Variants in EPB41L5 observed in about 807,000 individuals in gnomAD.
EPB41L5 encodes the protein erythrocyte membrane protein band 4.1 like 5.
A neutral mutation model predicts 106.6 loss-of-function variants in EPB41L5; 55 were observed. That is an observed-to-expected ratio of 0.52 (90% CI 0.42 to 0.65). The LOEUF (loss-of-function observed/expected upper bound fraction) is 0.65. EPB41L5 is among the 30% of genes least tolerant of loss of function. The probability of loss-of-function intolerance (pLI) is 0.00; values close to 1 mark genes in which losing one functional copy is unlikely to be tolerated. For missense variants in EPB41L5, 871 were observed against 882.1 expected (o/e 0.99, Z 0.16); for synonymous variants, 297 against 306.7 (o/e 0.97, Z 0.33).
At chr2:120,129,371 A>G (rs1275533467) in intron 17 of EPB41L5, among the ~76,000 whole-genome samples, 3 of 151,070 alleles carry the variant, frequency 2.0e-5, no homozygotes, top group African/African-American at 7.3e-5. Flanking sequence ...AAAAATTAAA[A>G]AAAGAAATTT....
intron 16 of EPB41L5, among the ~76,000 whole-genome samples, chr2:120,109,363 T>A (rs892867355): frequency 2.6e-5 from 4 of 152,158 alleles, no homozygotes; most frequent in African/African-American, 9.7e-5. Flanking sequence ...AACCACTTCC[T>A]CCTCTTACAA....
At position 120,034,770 on chromosome 2, in the gene EPB41L5, C is replaced by T. The variant is rs570047091; in HGVS notation, c.181-7236C>T. Among the ~76,000 whole-genome samples the T allele has an allele frequency of 1.3e-3, 201 of 152,182 alleles. 1 individual carries two copies. Among genetic ancestry groups the T allele is most frequent in the Middle Eastern group, 0.01 (3 of 294 alleles). On this transcript the variant is annotated intron_variant, in intron 2 of 24. Transcript: ENST00000263713. ...GTCCCAGCAACTTGGGAGACTGAGC[C>T]GAAAGGATTCCTTAAGACCTGGAGG...
intron 14 of EPB41L5, among the ~76,000 whole-genome samples, chr2:120,094,377 G>A (rs1683610898): frequency 6.6e-6 from 1 of 151,558 alleles, no homozygotes; most frequent in African/African-American, 2.4e-5. Flanking sequence ...CTAGTTTGTG[G>A]GGATACAGTT....
chr2:120,087,862 T>G (rs1220942534), intron 11 of EPB41L5, among the ~76,000 whole-genome samples: 1 of 152,220 alleles, frequency 6.6e-6, no homozygotes, highest in Non-Finnish European at 1.5e-5. Flanking sequence ...AAAGATTACC[T>G]TTGTATCAGT....
chr2:120,039,778 T>C (rs1473550254), intron 2 of EPB41L5, among the ~76,000 whole-genome samples: 6 of 150,866 alleles, frequency 4.0e-5, no homozygotes, highest in African/African-American at 1.5e-4. Context: ...TGAGCTGAGA[T>C]TGTGCCATTG....
At chr2:120,050,049 G>T (rs1222035824) in intron 3 of EPB41L5, among the ~76,000 whole-genome samples, 1 of 152,170 alleles carries the variant, frequency 6.6e-6, no homozygotes, top group Non-Finnish European at 1.5e-5. Flanking sequence ...AGTCTGATGG[G>T]CTTCCCTTTG....
At chr2:120,019,957 A>G (rs1443177906) in intron 2 of EPB41L5, among the ~76,000 whole-genome samples, 2 of 151,980 alleles carry the variant, frequency 1.3e-5, no homozygotes, top group Non-Finnish European at 2.9e-5. Flanking sequence ...GTGTGAAACA[A>G]TCTGACATGT....
chr2:120,063,821 A>G (rs956349048), intron 3 of EPB41L5, among the ~76,000 whole-genome samples: 2 of 152,164 alleles, frequency 1.3e-5, no homozygotes, highest in African/African-American at 4.8e-5. Context: ...GGGCGCCTGT[A>G]ATCCCAGCTA....
chr2:120,125,214 G>A (rs1314841995), intron 16 of EPB41L5, among the ~76,000 whole-genome samples: 2 of 152,048 alleles, frequency 1.3e-5, no homozygotes, highest in African/African-American at 2.4e-5. Context: ...TATTTTTTCA[G>A]TGTGTTATTA....
intron 18 of EPB41L5, among the ~76,000 whole-genome samples, chr2:120,137,546 A>C (rs1685979732): frequency 6.6e-6 from 1 of 152,054 alleles, no homozygotes; most frequent in South Asian, 2.1e-4. Flanking sequence ...TGCAAAAATC[A>C]AAGGATCATT....
At chr2:120,163,744 C>T (rs1687249973) in intron 21 of EPB41L5, among the ~76,000 whole-genome samples, 1 of 151,346 alleles carries the variant, frequency 6.6e-6, no homozygotes, top group Non-Finnish European at 1.5e-5. Context: ...CACTTGAACC[C>T]AGGAGTTCAA....
intron 21 of EPB41L5, among the ~76,000 whole-genome samples, chr2:120,162,796 T>C (rs1247600810): frequency 6.6e-6 from 1 of 152,238 alleles, no homozygotes; most frequent in Non-Finnish European, 1.5e-5. Flanking sequence ...TACATTGTGG[T>C]AGACTTGCAC....
intron 16 of EPB41L5, among the ~76,000 whole-genome samples, chr2:120,115,632 C>A (rs1446626000): frequency 1.3e-5 from 2 of 151,988 alleles, no homozygotes; most frequent in Non-Finnish European, 2.9e-5. Flanking sequence ...CCTTGTGATC[C>A]GCCTGCCTCG....
intron 2 of EPB41L5, among the ~76,000 whole-genome samples, chr2:120,037,117 A>G (rs539497662): frequency 2.0e-5 from 3 of 152,264 alleles, no homozygotes; most frequent in South Asian, 4.1e-4. Context: ...TATGGTGCTA[A>G]TAAGTTAGCA....
At position 120,127,695 on chromosome 2, in the gene EPB41L5, C is replaced by G; in HGVS notation, c.1345C>G (p.Leu449Val). ...TTTCTATTTCCATTGCAGCATTCCT[C>G]TGAATATTGATTTGCTGAATAGCCC... The part of the protein sequence containing the change: ...TDQHDRKCIP[L>V]NIDLLNSPDL... Residue 449 changes from leucine (L) to valine (V), a missense_variant, in exon 17 of 25, where the codon CTG becomes GTG. Coordinates refer to ENST00000263713, the MANE Select transcript of EPB41L5 (RefSeq NM_020909.4). The G allele has an allele frequency of 6.3e-7, 1 of 1,596,750 alleles. No homozygotes were observed. Among genetic ancestry groups the G allele is most frequent in the Non-Finnish European group, 8.6e-7 (1 of 1,169,268 alleles).
At position 120,164,883 on chromosome 2, in the gene EPB41L5, T is replaced by G. The variant is rs755887654; in HGVS notation, c.1935T>G (p.Asn645Lys). Residue 645 changes from asparagine to lysine, a missense_variant, in exon 22 of 25, where the codon AAT becomes AAG. Asn to Lys is a moderately conservative substitution (Grantham distance 94). Transcript: ENST00000263713. ...LDALLASLTE[N>K]LIDHTVAPQV... ...CCTTGCTTGCATCTCTAACTGAGAA[T>G]CTAATTGATCACACAGTTGCACCTC... 3.7e-6 allele frequency: 6 copies of G among 1,611,326 alleles called. No individual in the cohort carries two copies. The highest frequency in any genetic ancestry group is 1.7e-5 in the Admixed American group (1 of 59,540).
intron 1 of EPB41L5, among the ~76,000 whole-genome samples, chr2:120,016,802 G>A (rs1677558103): frequency 6.6e-6 from 1 of 151,848 alleles, no homozygotes; most frequent in Non-Finnish European, 1.5e-5. Flanking sequence ...TAGAAATCTG[G>A]GATAACAAGT....
At chr2:120,146,124 G>T (rs1408294386) in intron 19 of EPB41L5, 101 bp from the exon 20 acceptor site, 3 of 726,074 alleles carry the variant, frequency 4.1e-6, no homozygotes, top group African/African-American at 3.6e-5. Flanking sequence ...TTTAATTAAA[G>T]CAAACTGATA....
At chr2:120,080,826 G>A (rs1334143532) in intron 10 of EPB41L5, among the ~76,000 whole-genome samples, 1 of 152,166 alleles carries the variant, frequency 6.6e-6, no homozygotes, top group African/African-American at 2.4e-5. Flanking sequence ...GTATCTCATT[G>A]TGGTTTTGAT....
Sources: allele counts gnomAD v4.1 joint callset (sites outside exome capture counted in the v4.1 genomes callset), GRCh38; gene constraint gnomAD v4.1.1; transcripts MANE v1.5; gene names NCBI Gene and HGNC (gene_info 2026-07-23, HGNC 2026-07-21).